Variants in SHMT1 observed in about 807,000 individuals in gnomAD.
SHMT1 encodes the protein serine hydroxymethyltransferase 1.
A neutral mutation model predicts 49.0 loss-of-function variants in SHMT1; 45 were observed. The ratio of observed to expected loss-of-function variants is 0.92; its 90% CI spans 0.72 to 1.18. The LOEUF (loss-of-function observed/expected upper bound fraction) is 1.18. Among genes scored for constraint, SHMT1 ranks in the 50% most tolerant of loss-of-function variants. The probability of loss-of-function intolerance (pLI) is 0.00; values close to 1 mark genes in which losing one functional copy is unlikely to be tolerated. For missense variants in SHMT1, 541 were observed against 612.4 expected (o/e 0.88, Z 1.23); for synonymous variants, 232 against 246.6 (o/e 0.94, Z 0.55).
chr17:18,350,835 C>T (rs978759011), intron 3 of SHMT1, among the ~76,000 whole-genome samples: 7 of 151,086 alleles, frequency 4.6e-5, no homozygotes, highest in Non-Finnish European at 7.4e-5. Context: ...CAAGTTCAAG[C>T]GATTCTCCTA....
Position 18,328,890 on chromosome 17 carries a change from C to G in SHMT1, c.1312G>C (p.Asp438His), listed in dbSNP as rs749330512. 1.9e-6 allele frequency: 3 copies of G among 1,613,962 alleles called. No homozygotes were observed. The highest frequency in any genetic ancestry group is 2.5e-6 in the Non-Finnish European group (3 of 1,180,010). The change falls in exon 12 of 12, where the codon GAC (aspartate) becomes CAC (histidine). Residue 438 changes from aspartate (D) to histidine (H), a missense_variant. Coordinates refer to ENST00000316694, the MANE Select transcript of SHMT1 (RefSeq NM_004169.5). ...TTCAGGGTGGCTCTGACACCAGTGT[C>G]GCTCTGGATCTGCAGGGTCAGCTCT... ...GIELTLQIQS[D>H]TGVRATLKEF...
rs943937976 is a variant in SHMT1 at position 18,333,298 on chromosome 17, AAG to A, written c.932-12_932-11del. 4 of 1,612,778 alleles carry A rather than the reference AAG, an allele frequency of 2.5e-6. No homozygotes were observed. The African/African-American group carries it at 4.0e-5, about 16-fold the overall frequency. ...AGTGCCACAGCAACCCCTGGACAAG[AAG>A]AGACAATGGGTCAGGAGGCTAGGAT... On this transcript the variant is annotated splice_polypyrimidine_tract_variant and intron_variant, in intron 8 of 11. Transcript: ENST00000316694.
Position 18,340,996 on chromosome 17 carries a change from C to A in SHMT1, c.520-183G>T. 1.6e-6 allele frequency: 1 copy of A among 637,032 alleles called. No homozygotes were observed. The highest frequency in any genetic ancestry group is 2.9e-6 in the Non-Finnish European group (1 of 348,276). The allele number at this position is 637,032 out of a possible 1,614,324, so 39.5% of individuals were successfully genotyped here. A position where few individuals can be genotyped will look rare whatever the true frequency, so the allele number is the denominator to read the frequency against. On this transcript the variant is annotated intron_variant, in intron 5 of 11. Transcript: ENST00000316694. This position sits in a 1 kb window ranked among gnomAD's most constrained non-coding sequence, Gnocchi z 4.5. ...TGCTCAACCAAGTATGGCTCACAGA[C>A]CCAGGAGTCCCTGAGGAGTCCCAGG...
intron 7 of SHMT1, 120 bp downstream of exon 7, chr17:18,339,923 C>T: frequency 1.0e-6 from 1 of 1,001,334 alleles, no homozygotes; most frequent in Non-Finnish European, 1.5e-6. Flanking sequence ...GGACTGGGAT[C>T]TTAATATTTT....
intron 5 of SHMT1, among the ~76,000 whole-genome samples, chr17:18,344,300 T>C (rs187223939): frequency 1.3e-5 from 2 of 152,298 alleles, no homozygotes; most frequent in Admixed American, 1.3e-4. Context: ...GGTGTGGTTC[T>C]TTCTCAGTCA....
At chr17:18,335,439 C>T (rs73291870) in intron 8 of SHMT1, 120 bp downstream of exon 8, 1 of 750,574 alleles carries the variant, frequency 1.3e-6, no homozygotes, top group East Asian at 2.5e-5. Flanking sequence ...TTAGCATCTC[C>T]TGCACAGAGA....
intron 9 of SHMT1, chr17:18,331,477 T>C (rs1381802881): frequency 1.3e-5 from 2 of 154,830 alleles, no homozygotes; most frequent in South Asian, 2.0e-4. Context: ...TTAAGTAAGA[T>C]ACTGGACATA....
At chr17:18,332,449 C>G (rs1983317358) in intron 9 of SHMT1, 1 of 155,192 alleles carries the variant, frequency 6.4e-6, no homozygotes. Context: ...AGTGGGCACT[C>G]AGGTCTACAC....
chr17:18,337,517 G>A (rs1212810926), intron 7 of SHMT1, among the ~76,000 whole-genome samples: 5 of 151,994 alleles, frequency 3.3e-5, no homozygotes, highest in Non-Finnish European at 7.4e-5. Flanking sequence ...ACCCTGCCTC[G>A]GGTAAGAGTA....
chr17:18,358,150 T>TAAA (rs775035265), intron 1 of SHMT1, among the ~76,000 whole-genome samples: 40 of 113,480 alleles, frequency 3.5e-4, no homozygotes, highest in African/African-American at 1.1e-3. Flanking sequence ...CTAGGACTCT[T>TAAA]AAAAAAAAAA....
chr17:18,342,831 G>A (rs928202900), intron 5 of SHMT1, among the ~76,000 whole-genome samples: 10 of 151,962 alleles, frequency 6.6e-5, no homozygotes, highest in African/African-American at 2.4e-4. Context: ...AGCTATTCGG[G>A]AGGCTGAGGC....
intron 5 of SHMT1, among the ~76,000 whole-genome samples, chr17:18,344,083 C>T (rs1200839332): frequency 6.6e-6 from 1 of 152,150 alleles, no homozygotes; most frequent in Non-Finnish European, 1.5e-5. Flanking sequence ...CTTCCTTCCT[C>T]TTACCTTGGT....
chr17:18,345,754 C>T (rs144245410), intron 5 of SHMT1, among the ~76,000 whole-genome samples: 40 of 152,062 alleles, frequency 2.6e-4, no homozygotes, highest in Non-Finnish European at 5.0e-4. Context: ...AATCTTGGCT[C>T]ACTGCAACCT....
intron 9 of SHMT1, 119 bp downstream of exon 9, chr17:18,333,046 TG>T: frequency 7.7e-7 from 1 of 1,298,460 alleles, no homozygotes. Context: ...CCTCCCAAGG[TG>T]GGCCCATCAT....
chr17:18,329,502 C>T lies in SHMT1; in HGVS notation c.1172-114G>A, dbSNP rs1210292829. 6 of 830,776 alleles carry T rather than the reference C, an allele frequency of 7.2e-6. No homozygotes were observed. In the South Asian group the frequency reaches 7.2e-5, roughly 10 times the overall value. 51.5% of individuals were successfully genotyped at this position (830,776 alleles called of 1,614,324 possible). Reference sequence around the variant, plus strand: ...AACTGGCCTGAGGATACTGGCTGTCCCTAGCAAGGAGTACAACTGATTCAG... The same window carrying T: ...AACTGGCCTGAGGATACTGGCTGTCTCTAGCAAGGAGTACAACTGATTCAG... On this transcript the variant is annotated intron_variant, in intron 10 of 11. Coordinates refer to ENST00000316694, the MANE Select transcript of SHMT1 (RefSeq NM_004169.5).
At chr17:18,339,098 A>T (rs1456287534) in intron 7 of SHMT1, among the ~76,000 whole-genome samples, 2 of 136,676 alleles carry the variant, frequency 1.5e-5, no homozygotes, top group Non-Finnish European at 3.1e-5. Flanking sequence ...TAGTCACCAG[A>T]GGGCTGGTGT....
intron 9 of SHMT1, 28 bp from the exon 10 acceptor site, chr17:18,330,699 T>C (rs748942620): frequency 2.0e-6 from 3 of 1,489,006 alleles, no homozygotes; most frequent in South Asian, 1.1e-5. Context: ...CATGTAGAAA[T>C]GCAGGCGAAT....
intron 3 of SHMT1, among the ~76,000 whole-genome samples, chr17:18,349,786 C>T (rs1224586056): frequency 4.6e-5 from 7 of 151,914 alleles, no homozygotes; most frequent in Admixed American, 6.6e-5. Flanking sequence ...TTTGGGAGGC[C>T]GAAGTGGGCG....
intron 1 of SHMT1, among the ~76,000 whole-genome samples, chr17:18,358,564 A>G (rs887336838): frequency 3.3e-5 from 5 of 152,124 alleles, no homozygotes; most frequent in African/African-American, 9.7e-5. Context: ...CCCAAAGCAC[A>G]TGCTCTAAGT....
Sources: gnomAD v4.1 joint callset for allele counts (sites outside exome capture counted in the v4.1 genomes callset) on GRCh38, gnomAD v4.1.1 for gene constraint, Gnocchi (gnomAD v3.1) non-coding constraint, MANE v1.5 for transcripts, NCBI Gene and HGNC (gene_info 2026-07-23, HGNC 2026-07-21) for gene names.